BLTP3A: variants seen among roughly 807,000 people sequenced by gnomAD.
The protein encoded by BLTP3A is ICBP90 binding protein 1.
chr6:34,808,886 T>G, the BLTP3A span, among the ~76,000 whole-genome samples: 1 of 152,332 alleles, frequency 6.6e-6, no homozygotes, highest in South Asian at 2.1e-4. Context: ...CTGAACATCT[T>G]TTTGTCAATA....
chr6:34,792,369 G>T, the BLTP3A span: 3,300 of 1,382,990 alleles, frequency 2.4e-3, 88 homozygotes, highest in African/African-American at 0.045. Context: ...CTGACGCCGC[G>T]CTCCGGGCCC....
At chr6:34,801,423 A>T in the BLTP3A span, among the ~76,000 whole-genome samples, 1 of 151,762 alleles carries the variant, frequency 6.6e-6, no homozygotes, top group South Asian at 2.1e-4. Flanking sequence ...GGGGAAAAGT[A>T]TTTTTTTTCC....
At chr6:34,831,189 G>A in the BLTP3A span, among the ~76,000 whole-genome samples, 26 of 150,728 alleles carry the variant, frequency 1.7e-4, no homozygotes, top group Admixed American at 6.6e-4. Context: ...GTGCAATGGC[G>A]CAGTCTCAGC....
chr6:34,857,408 A>G, the BLTP3A span: 1 of 1,614,190 alleles, frequency 6.2e-7, no homozygotes, highest in Non-Finnish European at 8.5e-7. Flanking sequence ...CTCCCTACCC[A>G]GGTCTCTGCC....
At chr6:34,805,318 C>T in the BLTP3A span, among the ~76,000 whole-genome samples, 3 of 151,688 alleles carry the variant, frequency 2.0e-5, no homozygotes, top group Non-Finnish European at 2.9e-5. Flanking sequence ...GATGGCTGGG[C>T]GTGGTAGCTC....
chr6:34,813,141 T>G, the BLTP3A span, among the ~76,000 whole-genome samples: 3 of 152,194 alleles, frequency 2.0e-5, no homozygotes, highest in South Asian at 2.1e-4. Context: ...TGTTGCAACT[T>G]ATTGACCCTA....
At chr6:34,825,365 T>C in the BLTP3A span, among the ~76,000 whole-genome samples, 3 of 152,130 alleles carry the variant, frequency 2.0e-5, no homozygotes, top group Middle Eastern at 3.4e-3. Context: ...TGGGGTGCAA[T>C]GGCATGATCT....
chr6:34,815,241 GTGTT>G, the BLTP3A span, among the ~76,000 whole-genome samples: 28 of 151,518 alleles, frequency 1.8e-4, no homozygotes, highest in East Asian at 1.6e-3. Flanking sequence ...AAATAAGTTG[GTGTT>G]TGTTTGTTTG....
the BLTP3A span, chr6:34,873,706 T>C: frequency 6.6e-6 from 1 of 152,204 alleles, no homozygotes; most frequent in Non-Finnish European, 1.5e-5. Context: ...GATGGTAAAA[T>C]AGTAACTTAG....
the BLTP3A span, among the ~76,000 whole-genome samples, chr6:34,830,274 T>C: frequency 6.6e-6 from 1 of 151,932 alleles, no homozygotes; most frequent in African/African-American, 2.4e-5. Flanking sequence ...TGGTCAATCA[T>C]GACTCCATGT....
chr6:34,802,187 TTTTATTA>T, the BLTP3A span, among the ~76,000 whole-genome samples: 4 of 152,080 alleles, frequency 2.6e-5, no homozygotes, highest in Admixed American at 2.0e-4. Context: ...ATGCCTGCAT[TTTTATTA>T]TTTATTATTT....
the BLTP3A span, among the ~76,000 whole-genome samples, chr6:34,865,049 G>A: frequency 8.4e-3 from 1,284 of 152,150 alleles, 18 homozygotes; most frequent in African/African-American, 0.027. Flanking sequence ...AATACTAAGC[G>A]ATCCTATGAT....
the BLTP3A span, among the ~76,000 whole-genome samples, chr6:34,796,995 G>A: frequency 6.6e-6 from 1 of 152,228 alleles, no homozygotes; most frequent in South Asian, 2.1e-4. Flanking sequence ...GAGCCACTGC[G>A]CCCGGCCCTG....
the BLTP3A span, among the ~76,000 whole-genome samples, chr6:34,794,032 A>G: frequency 2.0e-5 from 3 of 151,782 alleles, no homozygotes; most frequent in Non-Finnish European, 4.4e-5. Flanking sequence ...TGGTGGTACA[A>G]GTCTGTAATC....
chr6:34,859,227 A>G, the BLTP3A span: 1 of 1,614,152 alleles, frequency 6.2e-7, no homozygotes, highest in Non-Finnish European at 8.5e-7. Context: ...TGCAGGACTC[A>G]GGTCCACTTG....
chr6:34,792,127 G>A, the BLTP3A span: 3 of 691,278 alleles, frequency 4.3e-6, no homozygotes, highest in Non-Finnish European at 5.7e-6. Flanking sequence ...AAAGCGCCAT[G>A]GCGGCGGCGG....
At chr6:34,841,191 C>T in the BLTP3A span, among the ~76,000 whole-genome samples, 10 of 151,934 alleles carry the variant, frequency 6.6e-5, no homozygotes, top group South Asian at 2.1e-4. Context: ...CTCAGCCTCC[C>T]GAGTAGTTGG....
the BLTP3A span, chr6:34,871,869 C>T: frequency 2.8e-5 from 45 of 1,614,228 alleles, no homozygotes; most frequent in Non-Finnish European, 3.7e-5. Flanking sequence ...TGAGAAGAGA[C>T]AGCCCCCAAA....
chr6:34,854,067 C>G, the BLTP3A span, among the ~76,000 whole-genome samples: 5 of 151,850 alleles, frequency 3.3e-5, no homozygotes, highest in Admixed American at 2.0e-4. Flanking sequence ...ACTAAAAACA[C>G]AAAAATGAGC....
Sources: gnomAD v4.1 joint callset for allele counts (sites outside exome capture counted in the v4.1 genomes callset) on GRCh38, gnomAD v4.1.1 for gene constraint, MANE v1.5 for transcripts, NCBI Gene and HGNC (gene_info 2026-07-23, HGNC 2026-07-21) for gene names.